Variants in CAPZA2 observed in about 807,000 individuals in gnomAD.
The protein encoded by CAPZA2 is capping actin protein of muscle Z-line subunit alpha 2.
CAPZA2 carries 13 observed loss-of-function variants against 44.0 expected under a neutral mutation model. The ratio of observed to expected loss-of-function variants is 0.30; its 90% CI spans 0.19 to 0.47. CAPZA2 has a LOEUF of 0.47. Ranked by LOEUF, CAPZA2 falls within the 20% of genes least tolerant of loss-of-function variation. The probability of loss-of-function intolerance (pLI) is 1.00; values close to 1 mark genes in which losing one functional copy is unlikely to be tolerated. For synonymous variants in CAPZA2, 94 were observed against 108.2 expected, an observed-to-expected ratio of 0.87 and a Z score of 0.81; for missense variants, 244 against 338.6, an observed-to-expected ratio of 0.72 and a Z score of 2.19.
At chr7:116,906,525 A>G (rs1246555432) in intron 6 of CAPZA2, 183 bp downstream of exon 6, 2 of 1,033,204 alleles carry the variant, frequency 1.9e-6, no homozygotes, top group Non-Finnish European at 2.6e-6. Flanking sequence ...CACTAAAGGT[A>G]GTGGTAAATC....
chr7:116,883,743 G>C (rs1796727140), intron 1 of CAPZA2, among the ~76,000 whole-genome samples: 1 of 152,078 alleles, frequency 6.6e-6, no homozygotes, highest in African/African-American at 2.4e-5. Context: ...TGCTTTCTTG[G>C]TGAAAACCCA....
At chr7:116,883,940 ACCT>A (rs1305984407) in intron 1 of CAPZA2, among the ~76,000 whole-genome samples, 4 of 152,172 alleles carry the variant, frequency 2.6e-5, no homozygotes, top group Non-Finnish European at 2.9e-5. Context: ...AAAAATAATT[ACCT>A]CAAAATTCTA....
chr7:116,873,641 T>A (rs1001053264), intron 1 of CAPZA2: 1 of 156,576 alleles, frequency 6.4e-6, no homozygotes, highest in South Asian at 2.0e-4. Context: ...AATTTTGCCA[T>A]CTATTTCTGT....
At chr7:116,872,827 T>C (rs1796569406) in intron 1 of CAPZA2, among the ~76,000 whole-genome samples, 1 of 152,206 alleles carries the variant, frequency 6.6e-6, no homozygotes, top group Non-Finnish European at 1.5e-5. Context: ...GTAAAACCTA[T>C]AAGTCATTTC....
At chr7:116,916,969 G>T (rs751687938) in intron 9 of CAPZA2, among the ~76,000 whole-genome samples, 1 of 152,076 alleles carries the variant, frequency 6.6e-6, no homozygotes, top group African/African-American at 2.4e-5. Flanking sequence ...TTCAGGCTGT[G>T]TCTTAGCATT....
chr7:116,873,522 C>T (rs1031443997), intron 1 of CAPZA2: 1 of 152,894 alleles, frequency 6.5e-6, no homozygotes, highest in Non-Finnish European at 1.5e-5. Flanking sequence ...TTTAAAATCT[C>T]CTGGAACTCA....
In CAPZA2 at chr7:116,898,850, A is replaced by G; in HGVS notation, c.219+15A>G. On this transcript the variant is annotated intron_variant, in intron 4 of 9. Transcript: ENST00000361183. The stretch of plus-strand genomic sequence containing the variant: ...ATGAAGATCAGGTATGTTTCATATA[A>G]ACACTATTCTTTGTTTTGTTTATAA... The G allele has an allele frequency of 6.8e-7, 1 of 1,462,518 alleles. No individual in the cohort carries two copies. The highest frequency in any genetic ancestry group is 9.5e-7 in the Non-Finnish European group (1 of 1,050,090). 90.6% of individuals were successfully genotyped at this position (1,462,518 alleles called of 1,614,324 possible).
At chr7:116,907,891 T>C (rs73473215) in intron 6 of CAPZA2, among the ~76,000 whole-genome samples, 5,726 of 152,272 alleles carry the variant, frequency 0.038, 356 homozygotes, top group African/African-American at 0.13. Context: ...TGGAAAAAAA[T>C]GTATTTTATA....
At chr7:116,868,545 C>T (rs936092615) in intron 1 of CAPZA2, among the ~76,000 whole-genome samples, 2 of 152,160 alleles carry the variant, frequency 1.3e-5, no homozygotes, top group Admixed American at 1.3e-4. Context: ...CCAGCCTGGC[C>T]AACATGGTGA....
intron 2 of CAPZA2, among the ~76,000 whole-genome samples, chr7:116,892,582 T>G (rs1270637727): frequency 6.6e-6 from 1 of 152,082 alleles, no homozygotes; most frequent in Non-Finnish European, 1.5e-5. Context: ...TTGGACACAT[T>G]GGAAGAAGAA....
chr7:116,876,304 T>C (rs1476777817), intron 1 of CAPZA2: 3 of 151,720 alleles, frequency 2.0e-5, no homozygotes, highest in Non-Finnish European at 4.4e-5. Context: ...GGCTCCTGAA[T>C]TTCAGGGCTC....
chr7:116,903,048 C>G lies in CAPZA2; in HGVS notation c.220-1129C>G, dbSNP rs192117154. On this transcript the variant is annotated intron_variant, in intron 4 of 9. Coordinates refer to ENST00000361183, the MANE Select transcript of CAPZA2 (RefSeq NM_006136.3). ...ATTTTTAATGTGTTCCTCCTTTCCC[C>G]GAAAAAGGAAACAGCCCAGAAATAA... is the stretch of plus-strand genomic sequence containing the variant. Among the ~76,000 whole-genome samples, 9 of 152,050 alleles carry G rather than the reference C, an allele frequency of 5.9e-5. No individual in the cohort carries two copies. In the South Asian group the frequency reaches 6.2e-4, roughly 11 times the overall value.
intron 1 of CAPZA2, among the ~76,000 whole-genome samples, chr7:116,867,636 T>C (rs1319054648): frequency 6.7e-6 from 1 of 149,980 alleles, no homozygotes; most frequent in South Asian, 2.1e-4. Context: ...CAGGCTGCAG[T>C]GCAGTGGCAC....
intron 5 of CAPZA2, 36 bp downstream of exon 5, chr7:116,904,419 G>C: frequency 7.9e-7 from 1 of 1,273,682 alleles, no homozygotes; most frequent in Non-Finnish European, 1.1e-6. Flanking sequence ...TGTGTGTTTT[G>C]TGTAAATGTG....
intron 1 of CAPZA2, 52 bp from the exon 2 acceptor site, chr7:116,888,075 T>C (rs1796786270): frequency 2.3e-6 from 3 of 1,331,900 alleles, no homozygotes; most frequent in East Asian, 2.3e-5. Context: ...TTTGTGCTTA[T>C]TTTAGCAGAA....
chr7:116,863,245 C>T (rs1393297751), intron 1 of CAPZA2, among the ~76,000 whole-genome samples: 3 of 152,172 alleles, frequency 2.0e-5, no homozygotes, highest in African/African-American at 7.2e-5. Flanking sequence ...GCATCTCTCC[C>T]TCCTTCTCTC....
In CAPZA2 at chr7:116,911,645, T is replaced by C. The variant is rs577863441; in HGVS notation, c.586-424T>C. Among the ~76,000 whole-genome samples, 129 of 152,350 alleles carry C rather than the reference T, an allele frequency of 8.5e-4. 1 individual carries two copies. The highest frequency in any genetic ancestry group is 1.4e-3 in the Non-Finnish European group (93 of 68,042). On this transcript the variant is annotated intron_variant, in intron 7 of 9. Transcript: ENST00000361183. ...AAAGCCATATAACCTCAGTACCTTA[T>C]GTAGCAGCAGTGTTTACAGCACTCA...
chr7:116,916,050 T>A lies in CAPZA2; in HGVS notation c.658-10T>A. The A allele has an allele frequency of 6.6e-7, 1 of 1,505,800 alleles. No homozygotes were observed. Among genetic ancestry groups the A allele is most frequent in the Non-Finnish European group, 8.9e-7 (1 of 1,124,306 alleles). 93.3% of individuals were successfully genotyped at this position (1,505,800 alleles called of 1,614,324 possible). Reference sequence around the variant, plus strand: ...AATTACTATTTTTATTTTGTTTTTTTTTTTTTCAGAATGAAGTGCAAACAG... The same window carrying A: ...AATTACTATTTTTATTTTGTTTTTTATTTTTTCAGAATGAAGTGCAAACAG... On this transcript the variant is annotated splice_polypyrimidine_tract_variant and intron_variant, in intron 8 of 9. Coordinates refer to ENST00000361183, the MANE Select transcript of CAPZA2 (RefSeq NM_006136.3).
chr7:116,896,903 C>T (rs1271466954), intron 3 of CAPZA2, among the ~76,000 whole-genome samples: 2 of 151,968 alleles, frequency 1.3e-5, no homozygotes, highest in Non-Finnish European at 2.9e-5. Context: ...AGTGAGGTGG[C>T]CTGTACTGGT....
Sources: gnomAD v4.1 joint callset for allele counts (sites outside exome capture counted in the v4.1 genomes callset) on GRCh38, gnomAD v4.1.1 for gene constraint, MANE v1.5 for transcripts, NCBI Gene and HGNC (gene_info 2026-07-23, HGNC 2026-07-21) for gene names.